ABI3BP: variants seen among roughly 807,000 people sequenced by gnomAD.
The protein encoded by ABI3BP is ABI family member 3 binding protein, also known as target of Nesh-SH3.
ABI3BP carries 216 observed loss-of-function variants against 268.6 expected under a neutral mutation model. The ratio of observed to expected loss-of-function variants is 0.80; its 90% confidence interval spans 0.72 to 0.90. The LOEUF is 0.90. Ranked by LOEUF, ABI3BP falls within the 40% of genes least tolerant of loss-of-function variation. ABI3BP has a pLI of 0.00. For missense variants in ABI3BP, 2,090 were observed against 2,182.4 expected (o/e 0.96, Z 0.84); for synonymous variants, 730 against 730.0 (o/e 1.00, Z 0.00).
rs151266613 is a variant in ABI3BP at position 100,908,823 on chromosome 3, C to T, written c.260-6137G>A. Among the ~76,000 whole-genome samples, 236 of 152,244 alleles carry T rather than the reference C, an allele frequency of 1.6e-3. 1 individual carries two copies. Among genetic ancestry groups the T allele is most frequent in the African/African-American group, 5.2e-3 (215 of 41,538 alleles). ...GGAAGAATCAATATTGTGAAAATGGCCATACTGCTCAAAGTAATTTATAGG... is the reference window on the plus strand; with the variant it reads ...GGAAGAATCAATATTGTGAAAATGGTCATACTGCTCAAAGTAATTTATAGG... On this transcript the variant is annotated intron_variant, in intron 2 of 67. Coordinates refer to ENST00000471714, the MANE Select transcript of ABI3BP (RefSeq NM_001375547.2).
At chr3:100,874,333 C>T (rs976670036) in intron 9 of ABI3BP, among the ~76,000 whole-genome samples, 18 of 152,188 alleles carry the variant, frequency 1.2e-4, no homozygotes, top group Non-Finnish European at 2.4e-4. Context: ...GCCCAGTGAC[C>T]TCCACATTTA....
rs1344654740 is a variant in ABI3BP at position 100,770,886 on chromosome 3, C to T, written c.4598G>A (p.Arg1533Gln). 6 of 1,602,168 alleles carry T rather than the reference C, an allele frequency of 3.7e-6. No homozygotes were observed. Among genetic ancestry groups the T allele is most frequent in the East Asian group, 2.3e-5 (1 of 44,218 alleles). Residue 1533 changes from arginine (R) to glutamine (Q), a missense_variant, in exon 62 of 68, where the codon CGG becomes CAG. Transcript: ENST00000471714. ...SPCSITDSVK[R>Q]FPKEEATEGN... ...CTCTGTGGCCTCCTCTTTGGGGAAC[C>T]GTTTGACAGAGTCAGTAATGGAGCA...
At chr3:100,901,880 T>A (rs1349281987) in intron 3 of ABI3BP, among the ~76,000 whole-genome samples, 1 of 152,150 alleles carries the variant, frequency 6.6e-6, no homozygotes, top group Admixed American at 6.5e-5. Context: ...ATAGCAATGG[T>A]CAGCTATATT....
intron 51 of ABI3BP, among the ~76,000 whole-genome samples, chr3:100,801,008 T>G (rs1354412494): frequency 6.6e-6 from 1 of 152,192 alleles, no homozygotes; most frequent in African/African-American, 2.4e-5. Context: ...TTTTCTCCAC[T>G]GCACTGTGTT....
At chr3:100,900,311 T>C (rs1582629514) in intron 3 of ABI3BP, among the ~76,000 whole-genome samples, 1 of 152,348 alleles carries the variant, frequency 6.6e-6, no homozygotes, top group African/African-American at 2.4e-5. Context: ...CCTGGGATGA[T>C]TGTGATCTTC....
At chr3:100,751,439 G>A in intron 67 of ABI3BP, 113 bp downstream of exon 67, 2 of 1,116,718 alleles carry the variant, frequency 1.8e-6, no homozygotes, top group Non-Finnish European at 2.3e-6. Flanking sequence ...TCCTAGATAT[G>A]TGGAGCAGTA....
chr3:100,769,573 T>C (rs751643805), intron 62 of ABI3BP, among the ~76,000 whole-genome samples: 1 of 152,222 alleles, frequency 6.6e-6, no homozygotes, highest in Non-Finnish European at 1.5e-5. Context: ...AATGAAATTT[T>C]ATAGATCATT....
chr3:100,889,425 A>C (rs1017128288), intron 4 of ABI3BP, among the ~76,000 whole-genome samples: 1 of 152,184 alleles, frequency 6.6e-6, no homozygotes, highest in South Asian at 2.1e-4. Context: ...AGAATGGAAG[A>C]AAAACAAAAG....
chr3:100,927,364 T>C (rs2062099360), intron 1 of ABI3BP, among the ~76,000 whole-genome samples: 1 of 152,214 alleles, frequency 6.6e-6, no homozygotes, highest in African/African-American at 2.4e-5. Flanking sequence ...CCACTGAAGA[T>C]ACTCGAGCCT....
intron 59 of ABI3BP, among the ~76,000 whole-genome samples, chr3:100,776,170 T>C (rs185412354): frequency 6.6e-6 from 1 of 152,160 alleles, no homozygotes; most frequent in Non-Finnish European, 1.5e-5. Flanking sequence ...GGAGACTAGA[T>C]TGAATTTTAT....
chr3:100,858,835 C>G (rs1197448392), intron 14 of ABI3BP, among the ~76,000 whole-genome samples: 2 of 152,166 alleles, frequency 1.3e-5, no homozygotes, highest in Non-Finnish European at 2.9e-5. Context: ...GGCACACAGA[C>G]AAAAACATGA....
intron 38 of ABI3BP, among the ~76,000 whole-genome samples, chr3:100,821,986 C>A (rs2098244803): frequency 6.6e-6 from 1 of 151,974 alleles, no homozygotes; most frequent in Non-Finnish European, 1.5e-5. Context: ...TGATTTTATT[C>A]TTCCCACCCT....
At chr3:100,964,876 A>G (rs1205104545) in intron 1 of ABI3BP, among the ~76,000 whole-genome samples, 1 of 152,254 alleles carries the variant, frequency 6.6e-6, no homozygotes, top group African/African-American at 2.4e-5. Flanking sequence ...TGGTTGTACC[A>G]GCCTCTCTTC....
At chr3:100,785,199 AAAGAT>A (rs1202429484) in intron 57 of ABI3BP, among the ~76,000 whole-genome samples, 1 of 152,204 alleles carries the variant, frequency 6.6e-6, no homozygotes, top group Non-Finnish European at 1.5e-5. Flanking sequence ...GATGGATAAT[AAAGAT>A]AAATATTCTG....
chr3:100,877,105 C>A (rs542387259), intron 6 of ABI3BP, among the ~76,000 whole-genome samples: 1 of 152,148 alleles, frequency 6.6e-6, no homozygotes, highest in Non-Finnish European at 1.5e-5. Context: ...TCAGAACTCC[C>A]ATTAGTTCAC....
rs555378829 is a variant in ABI3BP at position 100,879,427 on chromosome 3, G to A, written c.697-2867C>T. On this transcript the variant is annotated intron_variant, in intron 6 of 67. Coordinates refer to ENST00000471714, the MANE Select transcript of ABI3BP (RefSeq NM_001375547.2). The stretch of plus-strand genomic sequence containing the variant: ...AGTGCACATTTTGTACTTAGCGCAC[G>A]TTTTGTTGAATGCGAAGTCTTTCCA... 1.2e-4 allele frequency among the ~76,000 whole-genome samples: 19 copies of A among 152,322 alleles called. No individual in the cohort carries two copies. In the South Asian group the frequency reaches 3.1e-3, roughly 25 times the overall value.
At chr3:100,911,220 T>A in intron 2 of ABI3BP, 1 of 372,800 alleles carries the variant, frequency 2.7e-6, no homozygotes, top group Non-Finnish European at 5.1e-6. Flanking sequence ...GTTCTACCAT[T>A]AAGGTCAGTT....
In ABI3BP at chr3:100,829,670, G is replaced by A; in HGVS notation, c.2459-6C>T. 1.3e-6 allele frequency: 2 copies of A among 1,533,488 alleles called. No homozygotes were observed. The highest frequency in any genetic ancestry group is 1.7e-6 in the Non-Finnish European group (2 of 1,144,570). The allele number at this position is 1,533,488 out of a possible 1,614,324, so 95.0% of individuals were successfully genotyped here. A position where few individuals can be genotyped will look rare whatever the true frequency, so the allele number is the denominator to read the frequency against. On this transcript the variant is annotated splice_polypyrimidine_tract_variant and splice_region_variant and intron_variant, in intron 32 of 67. Coordinates refer to ENST00000471714, the MANE Select transcript of ABI3BP (RefSeq NM_001375547.2). ...TCGTTGAGGCACTTTGGGAGCTAAA[G>A]GAAGAAAACTTCAGGTTAATACAGC...
chr3:100,885,602 G>C lies in ABI3BP; in HGVS notation c.644-14C>G. 1 of 1,508,452 alleles carries C rather than the reference G, an allele frequency of 6.6e-7. No homozygotes were observed. Among genetic ancestry groups the C allele is most frequent in the Non-Finnish European group, 9.0e-7 (1 of 1,109,014 alleles). 93.4% of individuals were successfully genotyped at this position (1,508,452 alleles called of 1,614,324 possible). ...TTACTTTTTTACCTGATGAAACAAGGGAAAAATAACATTATTTTTATTCTC... is the reference window on the plus strand; with the variant it reads ...TTACTTTTTTACCTGATGAAACAAGCGAAAAATAACATTATTTTTATTCTC... On this transcript the variant is annotated splice_polypyrimidine_tract_variant and intron_variant, in intron 5 of 67. Coordinates refer to ENST00000471714, the MANE Select transcript of ABI3BP (RefSeq NM_001375547.2).
Sources: gnomAD v4.1 joint callset for allele counts (sites outside exome capture counted in the v4.1 genomes callset) on GRCh38, gnomAD v4.1.1 for gene constraint, MANE v1.5 for transcripts, NCBI Gene and HGNC (gene_info 2026-07-23, HGNC 2026-07-21) for gene names.